FRYL: variants seen among roughly 807,000 people sequenced by gnomAD.
FRYL encodes protein furry homolog-like.
In FRYL, 150 loss-of-function variants were observed where a neutral mutation model predicts 351.2. That is an observed-to-expected ratio of 0.43 (90% CI 0.37 to 0.49). The LOEUF is 0.49. FRYL is among the 20% of genes least tolerant of loss of function. FRYL has a pLI of 0.00. For missense variants in FRYL, 3,036 were observed against 3,619.3 expected (o/e 0.84, Z 4.13); for synonymous variants, 1,153 against 1,257.1 (o/e 0.92, Z 1.75).
intron 42 of FRYL, among the ~76,000 whole-genome samples, 187 bp from the exon 43 acceptor site, chr4:48,545,091 C>T (rs1335331947): frequency 1.3e-5 from 2 of 152,192 alleles, no homozygotes; most frequent in Non-Finnish European, 2.9e-5. Flanking sequence ...GATCTCATTT[C>T]AGTGTCTAGC....
intron 33 of FRYL, 106 bp from the exon 34 acceptor site, chr4:48,557,818 T>C: frequency 1.6e-6 from 2 of 1,265,688 alleles, no homozygotes; most frequent in Non-Finnish European, 2.2e-6. Context: ...ATTTTACTCA[T>C]TACACTTAAC....
chr4:48,563,084 A>T (rs13138269), intron 31 of FRYL, 96 bp from the exon 32 acceptor site: 358,179 of 725,800 alleles, frequency 0.49, 91,905 homozygotes, highest in African/African-American at 0.67. Context: ...GCTTATAGGC[A>T]TCTATCTTCT....
chr4:48,615,016 C>T (rs1039290965), intron 7 of FRYL, among the ~76,000 whole-genome samples: 17 of 151,864 alleles, frequency 1.1e-4, no homozygotes, highest in African/African-American at 1.9e-4. Flanking sequence ...TTAGTAGAAA[C>T]GGGGTTTCAC....
chr4:48,498,396 T>C lies in FRYL; in HGVS notation c.*1026A>G, dbSNP rs1191453981. ...CCTATTCTTGTATAACAACAGTGCATGGCACAAATGTACAAGAAAATAACT... is the reference window on the plus strand; with the variant it reads ...CCTATTCTTGTATAACAACAGTGCACGGCACAAATGTACAAGAAAATAACT... On this transcript the variant is annotated 3_prime_UTR_variant, in exon 64 of 64. Transcript: ENST00000358350. 1 of 152,428 alleles carries C rather than the reference T, an allele frequency of 6.6e-6. No homozygotes were observed. Among genetic ancestry groups the C allele is most frequent in the Non-Finnish European group, 1.5e-5 (1 of 68,042 alleles). The allele number at this position is 152,428 out of a possible 1,614,324, so 9.4% of individuals were successfully genotyped here. A position where few individuals can be genotyped will look rare whatever the true frequency, so the allele number is the denominator to read the frequency against.
chr4:48,608,030 G>A (rs1173757932), intron 9 of FRYL, among the ~76,000 whole-genome samples: 1 of 151,980 alleles, frequency 6.6e-6, no homozygotes, highest in African/African-American at 2.4e-5. Context: ...AATTCCATGC[G>A]AGATATTAAG....
At chr4:48,726,194 C>G (rs568390030) in intron 1 of FRYL, among the ~76,000 whole-genome samples, 6 of 152,296 alleles carry the variant, frequency 3.9e-5, no homozygotes, top group African/African-American at 1.2e-4. Context: ...TTAGAGATGA[C>G]AAGACACTTT....
intron 33 of FRYL, among the ~76,000 whole-genome samples, chr4:48,559,291 A>G (rs1202760111): frequency 1.3e-5 from 2 of 151,838 alleles, no homozygotes; most frequent in Admixed American, 1.3e-4. Flanking sequence ...TGACTATGGA[A>G]GGAAGAGTCT....
At position 48,619,269 on chromosome 4, in the gene FRYL, CT is replaced by C; in HGVS notation, c.411+4del. 6.3e-7 allele frequency: 1 copy of C among 1,580,570 alleles called. No homozygotes were observed. The highest frequency in any genetic ancestry group is 8.7e-7 in the Non-Finnish European group (1 of 1,151,210). On this transcript the variant is annotated splice_donor_region_variant and intron_variant, in intron 7 of 63. Transcript: ENST00000358350. ...TACAGACTTTGCAGAAATAAAAGAG[CT>C]TACCTGCTTTAGAACTTCAACTAAA...
chr4:48,573,841 G>A (rs1344595138), intron 25 of FRYL, among the ~76,000 whole-genome samples: 7 of 152,124 alleles, frequency 4.6e-5, no homozygotes, highest in Admixed American at 3.3e-4. Context: ...GTGAGCCACC[G>A]CGCCTGGCCT....
chr4:48,726,449 A>C (rs931090139), intron 1 of FRYL, among the ~76,000 whole-genome samples: 2 of 152,184 alleles, frequency 1.3e-5, no homozygotes, highest in African/African-American at 4.8e-5. Context: ...TGGGAGGCCG[A>C]GGTGGGTGGA....
chr4:48,657,633 C>T (rs1759526836), intron 3 of FRYL, among the ~76,000 whole-genome samples: 1 of 152,072 alleles, frequency 6.6e-6, no homozygotes, highest in Admixed American at 6.6e-5. Flanking sequence ...AAAAAGATAG[C>T]CCCAAAAATT....
chr4:48,729,649 G>A (rs1282670660), intron 1 of FRYL, among the ~76,000 whole-genome samples: 2 of 152,134 alleles, frequency 1.3e-5, no homozygotes, highest in Non-Finnish European at 2.9e-5. Flanking sequence ...TGCAGCTGAG[G>A]GGCCTATTAG....
intron 18 of FRYL, among the ~76,000 whole-genome samples, chr4:48,589,190 C>T (rs1318154990): frequency 6.6e-6 from 1 of 152,024 alleles, no homozygotes. Flanking sequence ...ATTGCCATAA[C>T]ATACAGTTTC....
chr4:48,528,514 T>G (rs1726789957), intron 50 of FRYL, among the ~76,000 whole-genome samples, 178 bp from the exon 51 acceptor site: 1 of 152,166 alleles, frequency 6.6e-6, no homozygotes. Flanking sequence ...TATATATTTT[T>G]AATCAAGAGA....
Position 48,581,389 on chromosome 4 carries a change from T to A in FRYL, c.2172+31A>T, listed in dbSNP as rs778928265. On this transcript the variant is annotated intron_variant, in intron 21 of 63. Transcript: ENST00000358350. ...AGAGATGGTTTTTAAGTACTTTCAA[T>A]AGATAACTGAATGAAATACCTAAAT... 1.6e-5 allele frequency: 25 copies of A among 1,570,468 alleles called. No homozygotes were observed. In the Admixed American group the frequency reaches 3.2e-4, roughly 20 times the overall value.
At chr4:48,779,781 G>A (rs1271843976) in intron 1 of FRYL, among the ~76,000 whole-genome samples, 2 of 151,930 alleles carry the variant, frequency 1.3e-5, no homozygotes, top group Non-Finnish European at 2.9e-5. Flanking sequence ...GGACGTGCGG[G>A]AGAGACGGGC....
Position 48,623,158 on chromosome 4 carries a change from G to T in FRYL, c.142C>A (p.Leu48Ile). The T allele has an allele frequency of 6.4e-7, 1 of 1,562,842 alleles. No individual in the cohort carries two copies. Among genetic ancestry groups the T allele is most frequent in the Non-Finnish European group, 8.7e-7 (1 of 1,153,368 alleles). ...AACTGAAGATCTTCACCCCTCTGAA[G>T]AGATCTGGACAATAGCTTCTCCTAT... ...EPLEKLLSRS[L>I]QRGEDLQFDQ... Residue 48 changes from leucine to isoleucine, a missense_variant, in exon 5 of 64, where the codon CTT becomes ATT. By Grantham distance (5) the Leu-to-Ile change is conservative. This residue lies in a region of FRYL where 457 missense variants were observed against 566.6 expected (regional missense o/e 0.81). Transcript: ENST00000358350.
chr4:48,733,231 T>G (rs1006786826), intron 1 of FRYL, among the ~76,000 whole-genome samples: 1 of 151,182 alleles, frequency 6.6e-6, no homozygotes, highest in Non-Finnish European at 1.5e-5. Context: ...GCCAAGATCA[T>G]GCCACTGCAC....
intron 30 of FRYL, 152 bp downstream of exon 30, chr4:48,564,781 G>A: frequency 4.0e-6 from 2 of 495,344 alleles, no homozygotes. Context: ...TTACATTATG[G>A]GATCCTATTT....
Sources: allele counts gnomAD v4.1 joint callset (sites outside exome capture counted in the v4.1 genomes callset), GRCh38; gene constraint gnomAD v4.1.1; regional missense constraint gnomAD v4.1.1; transcripts MANE v1.5; gene names NCBI Gene and HGNC (gene_info 2026-07-23, HGNC 2026-07-21).